Variants in BMPER observed in about 807,000 individuals in gnomAD.
BMPER encodes BMP binding endothelial regulator, also known as BMP-binding endothelial regulator protein.
A neutral mutation model predicts 87.3 loss-of-function variants in BMPER; 45 were observed. The ratio of observed to expected loss-of-function variants is 0.52; its 90% confidence interval spans 0.41 to 0.66. BMPER has a LOEUF of 0.66. BMPER is among the 30% of genes least tolerant of loss of function. The pLI, the probability that BMPER is intolerant of heterozygous loss-of-function variation, is 0.00. For synonymous variants in BMPER, 326 were observed against 316.2 expected (o/e 1.03, Z -0.33); for missense variants, 784 against 867.5 (o/e 0.90, Z 1.21).
chr7:34,110,674 T>G (rs1457514392), intron 13 of BMPER, among the ~76,000 whole-genome samples: 1 of 152,200 alleles, frequency 6.6e-6, no homozygotes, highest in Non-Finnish European at 1.5e-5. Context: ...TGGGATGAGC[T>G]GCATCTGGGA....
At chr7:33,960,365 A>C (rs1470122808) in intron 3 of BMPER, among the ~76,000 whole-genome samples, 1 of 152,198 alleles carries the variant, frequency 6.6e-6, no homozygotes, top group African/African-American at 2.4e-5. Flanking sequence ...TTATACTTCC[A>C]TATGTTTCTG....
chr7:33,985,601 C>G (rs568674118), intron 6 of BMPER, among the ~76,000 whole-genome samples: 1 of 152,198 alleles, frequency 6.6e-6, no homozygotes, highest in South Asian at 2.1e-4. Flanking sequence ...ATTCCCACTC[C>G]AATAATCAGT....
chr7:34,083,169 A>G (rs562816230), intron 12 of BMPER, among the ~76,000 whole-genome samples: 1 of 152,270 alleles, frequency 6.6e-6, no homozygotes, highest in South Asian at 2.1e-4. Flanking sequence ...AGTACGTACT[A>G]TGTGCTATAT....
At chr7:34,044,735 A>C (rs12539069) in intron 6 of BMPER, among the ~76,000 whole-genome samples, 3 of 152,026 alleles carry the variant, frequency 2.0e-5, no homozygotes, top group Non-Finnish European at 4.4e-5. Flanking sequence ...GTATTTTCGC[A>C]TGTTCTCTAT....
At position 34,065,473 on chromosome 7, in the gene BMPER, C is replaced by T. The variant is rs1303354375; in HGVS notation, c.1078+3426C>T. ...ATGTCCCCTGGGGAGCACAGTTACCCCTCATTGGGTGCCACAGGCATTCCA... is the reference window on the plus strand; with the variant it reads ...ATGTCCCCTGGGGAGCACAGTTACCTCTCATTGGGTGCCACAGGCATTCCA... On this transcript the variant is annotated intron_variant, in intron 11 of 14. Coordinates refer to ENST00000649409, the MANE Select transcript of BMPER (RefSeq NM_001365308.1). 3.3e-5 allele frequency among the ~76,000 whole-genome samples: 5 copies of T among 152,100 alleles called. 1 individual carries two copies. Among genetic ancestry groups the T allele is most frequent in the Non-Finnish European group, 7.4e-5 (5 of 68,016 alleles).
At chr7:33,971,175 T>A (rs1369935461) in intron 5 of BMPER, among the ~76,000 whole-genome samples, 1 of 152,050 alleles carries the variant, frequency 6.6e-6, no homozygotes, top group Non-Finnish European at 1.5e-5. Flanking sequence ...ACTACTGCTC[T>A]GCTTTTGAGG....
At chr7:33,981,770 C>T (rs1030120822) in intron 6 of BMPER, among the ~76,000 whole-genome samples, 1 of 152,180 alleles carries the variant, frequency 6.6e-6, no homozygotes, top group Non-Finnish European at 1.5e-5. Context: ...TAGAGAGATG[C>T]ACGTCATTGT....
chr7:33,934,227 A>G (rs1405384796), intron 2 of BMPER, among the ~76,000 whole-genome samples: 1 of 152,076 alleles, frequency 6.6e-6, no homozygotes, highest in Non-Finnish European at 1.5e-5. Flanking sequence ...GAGTGGTCTT[A>G]ATTAACCTGT....
chr7:33,905,357 A>AG (rs1440575885), upstream of BMPER: 1,392 of 437,798 alleles, frequency 3.2e-3, no homozygotes, highest in South Asian at 0.013. Flanking sequence ...CAACTCCCTC[A>AG]GGAAAAAAAA....
At chr7:34,024,142 G>A (rs1479785671) in intron 6 of BMPER, among the ~76,000 whole-genome samples, 1 of 150,468 alleles carries the variant, frequency 6.6e-6, no homozygotes, top group African/African-American at 2.4e-5. Flanking sequence ...TGGATCAGTT[G>A]AGGTCAGGAG....
At chr7:34,005,117 C>A (rs1436579980) in intron 6 of BMPER, among the ~76,000 whole-genome samples, 1 of 152,064 alleles carries the variant, frequency 6.6e-6, no homozygotes, top group East Asian at 1.9e-4. Context: ...TAAATAATGA[C>A]AAGTTCTGAG....
intron 2 of BMPER, among the ~76,000 whole-genome samples, chr7:33,936,541 A>G (rs1784607726): frequency 6.6e-6 from 1 of 152,186 alleles, no homozygotes; most frequent in Admixed American, 6.5e-5. Flanking sequence ...ATTTTGTTGA[A>G]TTTTTTGAGA....
chr7:33,962,675 T>C (rs1785300240), intron 3 of BMPER, among the ~76,000 whole-genome samples: 1 of 152,228 alleles, frequency 6.6e-6, no homozygotes. Flanking sequence ...GTAGTGATTT[T>C]ATCAGAACAT....
chr7:34,130,226 C>T (rs1315248885), intron 13 of BMPER, among the ~76,000 whole-genome samples: 1 of 151,690 alleles, frequency 6.6e-6, no homozygotes, highest in Non-Finnish European at 1.5e-5. Context: ...TCTGGGTTCC[C>T]TTCAAATTAT....
intron 3 of BMPER, among the ~76,000 whole-genome samples, chr7:33,961,495 A>C (rs1427294030): frequency 6.6e-6 from 1 of 152,224 alleles, no homozygotes; most frequent in Non-Finnish European, 1.5e-5. Flanking sequence ...TACCACAGCC[A>C]GGAGAAACAG....
At chr7:34,144,126 C>T (rs893582197) in intron 14 of BMPER, among the ~76,000 whole-genome samples, 1 of 152,110 alleles carries the variant, frequency 6.6e-6, no homozygotes, top group African/African-American at 2.4e-5. Context: ...GGCTTCTCTA[C>T]AGATGATATT....
intron 6 of BMPER, among the ~76,000 whole-genome samples, chr7:33,978,243 G>A (rs894147669): frequency 2.6e-5 from 4 of 152,176 alleles, no homozygotes; most frequent in Admixed American, 6.5e-5. Flanking sequence ...GCAACAAGGC[G>A]CCATCTTGGA....
intron 6 of BMPER, among the ~76,000 whole-genome samples, chr7:34,007,589 A>T (rs879928475): frequency 5.3e-5 from 8 of 151,994 alleles, no homozygotes; most frequent in Non-Finnish European, 1.2e-4. Context: ...ACTTAATTAT[A>T]CATCTTGGAT....
intron 6 of BMPER, among the ~76,000 whole-genome samples, chr7:34,008,233 G>A (rs887579029): frequency 1.3e-5 from 2 of 151,780 alleles, no homozygotes; most frequent in African/African-American, 4.8e-5. Flanking sequence ...TCTCTACTGG[G>A]TTGTTGGTCT....
Sources: allele counts gnomAD v4.1 joint callset (sites outside exome capture counted in the v4.1 genomes callset), GRCh38; gene constraint gnomAD v4.1.1; transcripts MANE v1.5; gene names NCBI Gene and HGNC (gene_info 2026-07-23, HGNC 2026-07-21).